The following ANXA2 variants were observed in gnomAD, a reference collection of about 807,000 sequenced individuals.
ANXA2 encodes the protein annexin II.
In ANXA2, 28 loss-of-function variants were observed where a neutral mutation model predicts 47.3. That is an observed-to-expected ratio of 0.59 (90% CI 0.44 to 0.81). The LOEUF is 0.81. ANXA2 is among the 40% of genes least tolerant of loss of function. ANXA2 has a pLI of 0.00. For missense variants in ANXA2, 384 were observed against 414.3 expected (o/e 0.93, Z 0.64); for synonymous variants, 172 against 155.5 (o/e 1.11, Z -0.79).
In ANXA2 at chr15:60,389,963, C is replaced by T. The variant is rs575374344; in HGVS notation, c.-11-3877G>A. Among the ~76,000 whole-genome samples the T allele has an allele frequency of 1.3e-4, 20 of 152,292 alleles. No individual in the cohort carries two copies. The South Asian group carries it at 2.7e-3, about 20-fold the overall frequency. Reference sequence around the variant, plus strand: ...GGCAGAATGTTTTAAGTGCCCTACACGTGCCAAGTATTCAAATGGTGAATG... The same window carrying T: ...GGCAGAATGTTTTAAGTGCCCTACATGTGCCAAGTATTCAAATGGTGAATG... On this transcript the variant is annotated intron_variant, in intron 1 of 12. Coordinates refer to ENST00000451270, the MANE Select transcript of ANXA2 (RefSeq NM_004039.3).
intron 12 of ANXA2, among the ~76,000 whole-genome samples, chr15:60,348,676 C>T (rs992898537): frequency 6.7e-6 from 1 of 148,438 alleles, no homozygotes; most frequent in Admixed American, 6.9e-5. Context: ...ACCCAGAAGT[C>T]GGAGGTTGCA....
intron 3 of ANXA2, among the ~76,000 whole-genome samples, chr15:60,369,260 G>T (rs907328973): frequency 5.3e-5 from 8 of 152,218 alleles, no homozygotes; most frequent in African/African-American, 1.7e-4. Context: ...GGGCTGCTGT[G>T]CATTCATGCC....
At chr15:60,353,310 C>G (rs1241453870) in intron 8 of ANXA2, among the ~76,000 whole-genome samples, 1 of 152,072 alleles carries the variant, frequency 6.6e-6, no homozygotes, top group African/African-American at 2.4e-5. Context: ...CTTATTCAGC[C>G]AGAAAAGGAC....
Position 60,354,166 on chromosome 15 carries a change from G to C in ANXA2, c.576C>G (p.Asp192Glu). 1.2e-6 allele frequency: 2 copies of C among 1,613,832 alleles called. No homozygotes were observed. Among genetic ancestry groups the C allele is most frequent in the Non-Finnish European group, 1.7e-6 (2 of 1,179,822 alleles). Residue 192 changes from aspartate to glutamate, a missense_variant, in exon 8 of 13, where the codon GAC becomes GAG. Coordinates refer to ENST00000451270, the MANE Select transcript of ANXA2 (RefSeq NM_004039.3). Reference protein sequence around the residue: ...DGSVIDYELIDQDARDLYDAG... With the variant: ...DGSVIDYELIEQDARDLYDAG... ...GCTCAGCACTTACCCGAGCATCTTG[G>C]TCAATCAGTTCATAATCAATGACAG...
At chr15:60,382,008 G>GGGGAGGAAAGAATGGAAGGGA (rs2062866945) in intron 3 of ANXA2, among the ~76,000 whole-genome samples, 1 of 148,384 alleles carries the variant, frequency 6.7e-6, no homozygotes, top group African/African-American at 2.5e-5. Flanking sequence ...ACGGGGGGTG[G>GGGGAGGAAAGAATGGAAGGGA]GGGAGGAAAG....
intron 3 of ANXA2, among the ~76,000 whole-genome samples, chr15:60,367,279 C>A (rs1361584400): frequency 3.9e-5 from 5 of 129,056 alleles, no homozygotes; most frequent in South Asian, 2.5e-4. Context: ...GGGGATCAGC[C>A]CCCCGCCCGG....
At position 60,347,559 on chromosome 15, in the gene ANXA2, G is replaced by T; in HGVS notation, c.*71C>A. On this transcript the variant is annotated 3_prime_UTR_variant, in exon 13 of 13. Transcript: ENST00000451270. ...TGGCCACGGGGACTGTTATTCGCAA[G>T]CTGGTTTTCTAGACCTGTTAGCTGG... 1 of 1,501,646 alleles carries T rather than the reference G, an allele frequency of 6.7e-7. No individual in the cohort carries two copies. Among genetic ancestry groups the T allele is most frequent in the Non-Finnish European group, 9.3e-7 (1 of 1,079,000 alleles). 93.0% of individuals were successfully genotyped at this position (1,501,646 alleles called of 1,614,324 possible).
chr15:60,379,519 A>G (rs2062827097), intron 3 of ANXA2, among the ~76,000 whole-genome samples: 1 of 152,178 alleles, frequency 6.6e-6, no homozygotes, highest in South Asian at 2.1e-4. Context: ...TGAGTGCTAC[A>G]ACATTATGGT....
rs777437343 is a variant in ANXA2, at chr15:60,357,243, A to G, written c.358-7T>C. 10 of 1,613,054 alleles carry G rather than the reference A, an allele frequency of 6.2e-6. No individual in the cohort carries two copies. The highest frequency in any genetic ancestry group is 8.5e-6 in the Non-Finnish European group (10 of 1,179,068). ...CCTCGTCGGTTCCCAGCCCCTGTGA[A>G]CCAGGAAGCACGAACATCAGCAGGG... On this transcript the variant is annotated splice_region_variant and splice_polypyrimidine_tract_variant and intron_variant, in intron 5 of 12. Transcript: ENST00000451270.
chr15:60,361,317 C>T (rs538354364), intron 4 of ANXA2: 5 of 418,528 alleles, frequency 1.2e-5, no homozygotes, highest in African/African-American at 6.0e-5. Context: ...AAACTGGAGT[C>T]GTATGTGATT....
At chr15:60,354,790 TC>T (rs1292341218) in intron 7 of ANXA2, among the ~76,000 whole-genome samples, 2 of 151,708 alleles carry the variant, frequency 1.3e-5, no homozygotes, top group Non-Finnish European at 2.9e-5. Context: ...CCTGTCCCCA[TC>T]CCCCACAAAA....
intron 10 of ANXA2, 70 bp downstream of exon 10, chr15:60,351,654 C>G (rs8037326): frequency 0.76 from 740,538 of 974,258 alleles, 283,955 homozygotes; most frequent in Admixed American, 0.88. Flanking sequence ...TTTGGATTAA[C>G]AGGATGGCCA....
chr15:60,349,312 C>A, intron 11 of ANXA2, 115 bp from the exon 12 acceptor site: 1 of 1,245,188 alleles, frequency 8.0e-7, no homozygotes, highest in Non-Finnish European at 1.1e-6. Context: ...CTCCAAAATC[C>A]AAAACTTTTT....
chr15:60,392,974 G>A, intron 1 of ANXA2: 2 of 1,172,928 alleles, frequency 1.7e-6, no homozygotes, highest in Admixed American at 3.4e-5. Flanking sequence ...TGTACTGGGT[G>A]AGGAGAGGGG....
chr15:60,375,915 C>G (rs2062769980), intron 3 of ANXA2, among the ~76,000 whole-genome samples: 1 of 152,122 alleles, frequency 6.6e-6, no homozygotes, highest in Non-Finnish European at 1.5e-5. Flanking sequence ...CTGGCCCAGG[C>G]TGAGAGGTAA....
intron 5 of ANXA2, among the ~76,000 whole-genome samples, chr15:60,357,825 G>C (rs2062456230): frequency 1.3e-5 from 2 of 151,966 alleles, no homozygotes; most frequent in Admixed American, 1.3e-4. Context: ...ATAGGAAGAG[G>C]CAGCAATAGA....
chr15:60,364,546 T>G, intron 3 of ANXA2, 23 bp from the exon 4 acceptor site: 1 of 1,591,002 alleles, frequency 6.3e-7, no homozygotes, highest in South Asian at 1.1e-5. Context: ...AAGTTGTTAA[T>G]CGTTACTCAG....
chr15:60,394,892 A>G (rs1566953211), intron 1 of ANXA2, among the ~76,000 whole-genome samples: 2 of 152,168 alleles, frequency 1.3e-5, no homozygotes, highest in Admixed American at 1.3e-4. Flanking sequence ...CAGGCAGTGA[A>G]TGGGTGGAAA....
intron 7 of ANXA2, among the ~76,000 whole-genome samples, chr15:60,354,736 C>A (rs2062400962): frequency 6.6e-6 from 1 of 151,972 alleles, no homozygotes; most frequent in Non-Finnish European, 1.5e-5. Flanking sequence ...CATCAACAAT[C>A]CCCCCCTTGA....
Sources: gnomAD v4.1 joint callset for allele counts (sites outside exome capture counted in the v4.1 genomes callset) on GRCh38, gnomAD v4.1.1 for gene constraint, MANE v1.5 for transcripts, NCBI Gene and HGNC (gene_info 2026-07-23, HGNC 2026-07-21) for gene names.